BSPH1: variants seen among roughly 807,000 people sequenced by gnomAD.
BSPH1 encodes the protein binder of sperm protein homolog 1, also known as binder of sperm 1.
A neutral mutation model predicts 22.5 loss-of-function variants in BSPH1; 21 were observed. The ratio of observed to expected loss-of-function variants is 0.93; its 90% CI spans 0.66 to 1.35. The LOEUF is 1.35. Among genes scored for constraint, BSPH1 ranks in the 40% most tolerant of loss-of-function variants. The probability of loss-of-function intolerance (pLI) is 0.00; values close to 1 mark genes in which losing one functional copy is unlikely to be tolerated. For missense variants in BSPH1, 141 were observed against 154.2 expected, an observed-to-expected ratio of 0.91 and a Z score of 0.45; for synonymous variants, 42 against 53.6, an observed-to-expected ratio of 0.78 and a Z score of 0.95.
chr19:47,991,198 C>T (rs1424984959), intron 1 of BSPH1, among the ~76,000 whole-genome samples: 1 of 152,028 alleles, frequency 6.6e-6, no homozygotes, highest in East Asian at 1.9e-4. Context: ...AAATACAGCG[C>T]CGACCACACC....
intron 1 of BSPH1, among the ~76,000 whole-genome samples, chr19:47,983,397 G>C (rs1969437414): frequency 6.6e-6 from 1 of 152,162 alleles, no homozygotes; most frequent in Non-Finnish European, 1.5e-5. Context: ...AAACTATTAG[G>C]AAATGGATTT....
At chr19:47,988,725 T>G (rs1047253585) in intron 1 of BSPH1, among the ~76,000 whole-genome samples, 2 of 152,108 alleles carry the variant, frequency 1.3e-5, no homozygotes, top group Admixed American at 1.3e-4. Context: ...ACCCCAGAGT[T>G]CTGGGTGCAC....
At chr19:47,979,139 TTCTTCTTCTTCC>T (rs1423836349) in intron 3 of BSPH1, among the ~76,000 whole-genome samples, 5 of 152,096 alleles carry the variant, frequency 3.3e-5, no homozygotes, top group East Asian at 1.9e-4. Flanking sequence ...CTCCTCCTCC[TTCTTCTTCTTCC>T]TCTTCTTCTT....
intron 5 of BSPH1, among the ~76,000 whole-genome samples, chr19:47,971,955 A>G (rs548666943): frequency 6.6e-6 from 1 of 152,322 alleles, no homozygotes; most frequent in African/African-American, 2.4e-5. Flanking sequence ...GAATACTGAA[A>G]AGTCTTTAGA....
At chr19:47,989,110 T>TTTTTTATTA (rs565512241) in intron 1 of BSPH1, among the ~76,000 whole-genome samples, 157 of 138,412 alleles carry the variant, frequency 1.1e-3, no homozygotes, top group Non-Finnish European at 1.6e-3. Context: ...AAGTCACCGT[T>TTTTTTATTA]TTATTATTAT....
In BSPH1 at chr19:47,991,643, C is replaced by CCCT. The variant is rs200655283; in HGVS notation, c.73+363_73+365dup. Among the ~76,000 whole-genome samples the CCCT allele has an allele frequency of 5.7e-3, 233 of 40,836 alleles. 7 individuals are homozygous for CCCT. Among genetic ancestry groups the CCCT allele is most frequent in the African/African-American group, 0.025 (219 of 8,678 alleles). The allele number at this position is 40,836 out of a possible 152,430, so 26.8% of individuals were successfully genotyped here. ...TCCTCTTCCCTCCTCCTCCTCCTTC[C>CCCT]CCTCCTCCTCCGTCTGCTCCTCCTC... On this transcript the variant is annotated intron_variant, in intron 1 of 5. Transcript: ENST00000344839.
intron 5 of BSPH1, among the ~76,000 whole-genome samples, chr19:47,970,464 G>A (rs28421752): frequency 0.025 from 3,817 of 152,186 alleles, 108 homozygotes; most frequent in African/African-American, 0.07. Context: ...TGATATGTTG[G>A]GGAAAAGGAC....
rs1342735987 is a variant in BSPH1 at position 47,973,271 on chromosome 19, G to C, written c.*2+3439C>G. 7.4e-5 allele frequency among the ~76,000 whole-genome samples: 11 copies of C among 149,120 alleles called. No homozygotes were observed. The Admixed American group carries it at 7.4e-4, about 10-fold the overall frequency. On this transcript the variant is annotated intron_variant, in intron 5 of 5. Transcript: ENST00000344839. Reference sequence around the variant, plus strand: ...AATAATAATAATAATAATGTAGGCAGTAACATGCCAGAGACAGTAGTTTTT... The same window carrying C: ...AATAATAATAATAATAATGTAGGCACTAACATGCCAGAGACAGTAGTTTTT...
rs1446116586 is a variant in BSPH1 at position 47,977,404 on chromosome 19, G to A, written c.225C>T (p.Tyr75=). The A allele has an allele frequency of 1.3e-6, 2 of 1,552,148 alleles. No homozygotes were observed. Among genetic ancestry groups the A allele is most frequent in the African/African-American group, 1.4e-5 (1 of 73,136 alleles). ...CACTGCAAAACTTCCAGTATCCTTC[G>A]TAGGTCTTGTTTAACGAGCACCACT... ...RHKWCSLNKT[Y]EGYWKFCSAE... Residue 75 remains tyrosine, a synonymous_variant, in exon 4 of 6, where the codon TAC becomes TAT. Transcript: ENST00000344839.
At chr19:47,989,036 A>G (rs898940124) in intron 1 of BSPH1, among the ~76,000 whole-genome samples, 7 of 151,832 alleles carry the variant, frequency 4.6e-5, no homozygotes, top group African/African-American at 1.7e-4. Flanking sequence ...TGCATATCAC[A>G]TGCTCATGAG....
At chr19:47,979,458 A>C (rs557026312) in intron 3 of BSPH1, 112 bp downstream of exon 3, 1 of 590,762 alleles carries the variant, frequency 1.7e-6, no homozygotes. Context: ...GTTACATTTT[A>C]TATAAGGAGA....
At chr19:47,967,652 G>A (rs1969271218), downstream of BSPH1, among the ~76,000 whole-genome samples, 1 of 152,128 alleles carries the variant, frequency 6.6e-6, no homozygotes. Context: ...TATTGGATTA[G>A]TGCCTACTCT....
At chr19:47,973,183 C>G (rs1969327151) in intron 5 of BSPH1, among the ~76,000 whole-genome samples, 1 of 150,592 alleles carries the variant, frequency 6.6e-6, no homozygotes, top group South Asian at 2.1e-4. Flanking sequence ...CGCCACTGCA[C>G]TCCAGCCTGG....
At chr19:47,970,447 T>C (rs1969301878) in intron 5 of BSPH1, among the ~76,000 whole-genome samples, 1 of 152,210 alleles carries the variant, frequency 6.6e-6, no homozygotes, top group Non-Finnish European at 1.5e-5. Context: ...GTCCCAACAT[T>C]GTATCATGAT....
intron 5 of BSPH1, 81 bp from the exon 6 acceptor site, chr19:47,968,290 T>G (rs1462049433): frequency 1.3e-5 from 2 of 151,854 alleles, no homozygotes; most frequent in East Asian, 3.9e-4. Context: ...TGCCAGGTAC[T>G]AAAACATCTG....
intron 1 of BSPH1, among the ~76,000 whole-genome samples, chr19:47,986,427 T>G (rs1277372408): frequency 1.3e-5 from 2 of 152,154 alleles, no homozygotes; most frequent in African/African-American, 4.8e-5. Context: ...TGATTGCTTC[T>G]TCCTTGGTTT....
At chr19:47,977,659 T>C in intron 3 of BSPH1, 155 bp from the exon 4 acceptor site, 1 of 985,304 alleles carries the variant, frequency 1.0e-6, no homozygotes, top group Non-Finnish European at 1.2e-6. Flanking sequence ...GAGCTTTGGC[T>C]CTCTAATGAC....
At chr19:47,969,256 C>T (rs149402715) in intron 5 of BSPH1, among the ~76,000 whole-genome samples, 1,806 of 152,124 alleles carry the variant, frequency 0.012, 33 homozygotes, top group African/African-American at 0.039. Context: ...AGGTTTGGGG[C>T]TGGGCAAATG....
chr19:47,988,784 C>T (rs1969495274), intron 1 of BSPH1, among the ~76,000 whole-genome samples: 1 of 151,902 alleles, frequency 6.6e-6, no homozygotes, highest in Non-Finnish European at 1.5e-5. Flanking sequence ...CGCAAGGGAC[C>T]CCACTCCCAT....
Sources: gnomAD v4.1 joint callset for allele counts (sites outside exome capture counted in the v4.1 genomes callset) on GRCh38, gnomAD v4.1.1 for gene constraint, MANE v1.5 for transcripts, NCBI Gene and HGNC (gene_info 2026-07-23, HGNC 2026-07-21) for gene names.